The following SMCO2 variants were observed in gnomAD, a reference collection of about 807,000 sequenced individuals.
The protein encoded by SMCO2 is single-pass membrane protein with coiled-coil domains 2.
A neutral mutation model predicts 29.5 loss-of-function variants in SMCO2; 25 were observed. The observed-to-expected ratio is 0.85, with a 90% CI of 0.62 to 1.18. SMCO2 has a LOEUF of 1.18. Ranked by LOEUF, SMCO2 falls within the 50% of genes most tolerant of loss-of-function variation. The pLI, the probability that SMCO2 is intolerant of heterozygous loss-of-function variation, is 0.00. For missense variants in SMCO2, 348 were observed against 344.5 expected (o/e 1.01, Z -0.08); for synonymous variants, 117 against 123.3 (o/e 0.95, Z 0.34).
At chr12:27,467,967 A>G (rs1217869143) in intron 1 of SMCO2, among the ~76,000 whole-genome samples, 1 of 152,166 alleles carries the variant, frequency 6.6e-6, no homozygotes, top group Non-Finnish European at 1.5e-5. Context: ...AATTGCTCCC[A>G]TTTCCACAGC....
chr12:27,443,680 C>T, the SMCO2 span, among the ~76,000 whole-genome samples: 1 of 152,106 alleles, frequency 6.6e-6, no homozygotes, highest in South Asian at 2.1e-4. Context: ...GACACAAAAT[C>T]AACATACAAA....
At chr12:27,459,926 C>T in the SMCO2 span, among the ~76,000 whole-genome samples, 5 of 152,166 alleles carry the variant, frequency 3.3e-5, no homozygotes, top group Non-Finnish European at 5.9e-5. Context: ...TGTGCAGGCA[C>T]GCATTGGGCT....
At chr12:27,436,206 G>T in the SMCO2 span, among the ~76,000 whole-genome samples, 4 of 152,336 alleles carry the variant, frequency 2.6e-5, no homozygotes, top group African/African-American at 7.2e-5. Context: ...CACAGTGGGG[G>T]TTAGGATTTC....
chr12:27,479,717 T>A (rs1393735477), intron 4 of SMCO2, among the ~76,000 whole-genome samples: 1 of 152,112 alleles, frequency 6.6e-6, no homozygotes, highest in East Asian at 1.9e-4. Flanking sequence ...CAAGATCTGA[T>A]CGTTTTATAA....
chr12:27,477,532 C>T (rs1019914545), intron 4 of SMCO2, among the ~76,000 whole-genome samples: 2 of 150,484 alleles, frequency 1.3e-5, no homozygotes, highest in African/African-American at 4.9e-5. Context: ...TTTTTTAATG[C>T]CTTTGCCCAC....
the SMCO2 span, among the ~76,000 whole-genome samples, chr12:27,451,752 G>A: frequency 2.0e-5 from 3 of 152,214 alleles, no homozygotes; most frequent in South Asian, 2.1e-4. Flanking sequence ...CAAACTGTAC[G>A]TAGTAGGTGG....
chr12:27,433,683 A>G, the SMCO2 span, among the ~76,000 whole-genome samples: 1 of 152,264 alleles, frequency 6.6e-6, no homozygotes, highest in Non-Finnish European at 1.5e-5. Flanking sequence ...AAAGGAATGA[A>G]GTCATTATTA....
chr12:27,456,064 A>T, the SMCO2 span, among the ~76,000 whole-genome samples: 1 of 152,158 alleles, frequency 6.6e-6, no homozygotes, highest in Admixed American at 6.5e-5. Flanking sequence ...AAAAATACAG[A>T]ATTAGCCAGG....
At chr12:27,489,959 G>C (rs1255083376) in intron 5 of SMCO2, among the ~76,000 whole-genome samples, 1 of 152,186 alleles carries the variant, frequency 6.6e-6, no homozygotes, top group Non-Finnish European at 1.5e-5. Context: ...ATGAAAGTGA[G>C]ATTTTTTTAA....
upstream of SMCO2, among the ~76,000 whole-genome samples, chr12:27,466,082 G>A (rs142449305): frequency 6.6e-6 from 1 of 152,280 alleles, no homozygotes; most frequent in African/African-American, 2.4e-5. Context: ...CGAAGGAGAC[G>A]AGGTCACAGA....
At chr12:27,447,719 ACT>A in the SMCO2 span, among the ~76,000 whole-genome samples, 1 of 113,436 alleles carries the variant, frequency 8.8e-6, no homozygotes, top group African/African-American at 3.7e-5. Context: ...ACAGAGCAAG[ACT>A]CTGTCTCAAA....
At chr12:27,453,594 GA>G in the SMCO2 span, among the ~76,000 whole-genome samples, 1 of 152,220 alleles carries the variant, frequency 6.6e-6, no homozygotes, top group Admixed American at 6.5e-5. Flanking sequence ...TAGAAAGAGT[GA>G]AAGGAGACAG....
the SMCO2 span, among the ~76,000 whole-genome samples, chr12:27,449,664 A>ACC: frequency 6.6e-6 from 1 of 152,132 alleles, no homozygotes; most frequent in Non-Finnish European, 1.5e-5. Context: ...TGAAGGGGGG[A>ACC]AAAGTTAAAA....
At chr12:27,454,133 C>A in the SMCO2 span, among the ~76,000 whole-genome samples, 1 of 152,058 alleles carries the variant, frequency 6.6e-6, no homozygotes, top group Non-Finnish European at 1.5e-5. Context: ...CACAGTCATG[C>A]ACCACCATGT....
intron 4 of SMCO2, among the ~76,000 whole-genome samples, chr12:27,481,793 C>T (rs913183511): frequency 7.2e-5 from 11 of 152,130 alleles, no homozygotes; most frequent in Non-Finnish European, 1.5e-4. Flanking sequence ...TAAAGTTATC[C>T]GTAACATTCC....
the SMCO2 span, among the ~76,000 whole-genome samples, chr12:27,455,091 G>T: frequency 7.9e-5 from 12 of 152,160 alleles, no homozygotes; most frequent in Non-Finnish European, 1.5e-4. Flanking sequence ...CACCACTCAG[G>T]ATGACCAGGC....
the SMCO2 span, among the ~76,000 whole-genome samples, chr12:27,456,635 C>A: frequency 6.6e-6 from 1 of 152,206 alleles, no homozygotes; most frequent in Non-Finnish European, 1.5e-5. Context: ...GGATTAAAAT[C>A]AGTTTCTTCC....
At chr12:27,472,458 ATT>A (rs1328334239) in intron 2 of SMCO2, among the ~76,000 whole-genome samples, 1 of 152,182 alleles carries the variant, frequency 6.6e-6, no homozygotes, top group Non-Finnish European at 1.5e-5. Flanking sequence ...AAAACAGGAT[ATT>A]AATTTACTTA....
chr12:27,488,770 G>A (rs1443761312), intron 5 of SMCO2, among the ~76,000 whole-genome samples: 2 of 152,126 alleles, frequency 1.3e-5, no homozygotes, highest in African/African-American at 4.8e-5. Flanking sequence ...CGGCTACCAC[G>A]AAACTCTATC....
Sources: allele counts gnomAD v4.1 joint callset (sites outside exome capture counted in the v4.1 genomes callset), GRCh38; gene constraint gnomAD v4.1.1; transcripts MANE v1.5; gene names NCBI Gene and HGNC (gene_info 2026-07-23, HGNC 2026-07-21).